The following CEP131 variants were observed in gnomAD, a reference collection of about 807,000 sequenced individuals.
CEP131 encodes the protein centrosomal protein 131.
Under a neutral mutation model 136.8 loss-of-function variants are expected in CEP131, and 99 were observed. That is an observed-to-expected ratio of 0.72 (90% CI 0.62 to 0.86). The LOEUF is 0.86. Ranked by LOEUF, CEP131 falls within the 40% of genes least tolerant of loss-of-function variation. CEP131 has a pLI of 0.00. For synonymous variants in CEP131, 646 were observed against 612.7 expected (o/e 1.05, Z -0.80); for missense variants, 1,459 against 1,463.0 (o/e 1.00, Z 0.04).
intron 5 of CEP131, among the ~76,000 whole-genome samples, chr17:81,204,460 T>C (rs79674270): frequency 2.0e-5 from 3 of 151,930 alleles, no homozygotes; most frequent in Non-Finnish European, 4.4e-5. Context: ...CCACAGACAC[T>C]GGTAGGTGGG....
intron 15 of CEP131, among the ~76,000 whole-genome samples, chr17:81,196,201 C>G (rs1005720980): frequency 2.0e-5 from 3 of 152,234 alleles, no homozygotes; most frequent in Non-Finnish European, 2.9e-5. Context: ...CCAGCCCACC[C>G]CCTGCAGTGA....
chr17:81,206,494 C>A (rs1322012788), intron 5 of CEP131, among the ~76,000 whole-genome samples: 1 of 152,206 alleles, frequency 6.6e-6, no homozygotes, highest in Admixed American at 6.5e-5. Flanking sequence ...CCTCTCAGCC[C>A]CATGTGAGCC....
At chr17:81,210,829 C>CAA (rs11379490) in intron 2 of CEP131, among the ~76,000 whole-genome samples, 7,046 of 136,062 alleles carry the variant, frequency 0.052, 353 homozygotes, top group African/African-American at 0.12. Flanking sequence ...AAAAAAAGAC[C>CAA]AAAAAAAAAA....
chr17:81,197,572 G>A lies in CEP131; in HGVS notation c.1647+140C>T, dbSNP rs138226206. On this transcript the variant is annotated intron_variant, in intron 13 of 25. Transcript: ENST00000450824. ...GAGGGACCACCTCCTGCTGGGGGCC[G>A]GGTGGGGGCTGGCGAGAGACCTCCT... The A allele has an allele frequency of 1.5e-3, 1,849 of 1,254,374 alleles. 22 individuals are homozygous for A. In the African/African-American group the frequency reaches 0.026, roughly 18 times the overall value. 77.7% of individuals were successfully genotyped at this position (1,254,374 alleles called of 1,614,324 possible).
chr17:81,191,454 C>T, intron 21 of CEP131, 119 bp from the exon 22 acceptor site: 1 of 929,110 alleles, frequency 1.1e-6, no homozygotes, highest in South Asian at 1.5e-5. Flanking sequence ...AAGGGGCCTT[C>T]CCCCTCTCCA....
rs1347730131 is a variant in CEP131, at chr17:81,190,755, G to C, written c.2991C>G (p.Ile997Met). The C allele has an allele frequency of 6.2e-7, 1 of 1,612,060 alleles. No homozygotes were observed. The highest frequency in any genetic ancestry group is 8.5e-7 in the Non-Finnish European group (1 of 1,179,632). The change falls in exon 24 of 26, where the codon ATC (isoleucine) becomes ATG (methionine). Residue 997 changes from isoleucine to methionine, a missense_variant. Coordinates refer to ENST00000450824, the MANE Select transcript of CEP131 (RefSeq NM_014984.4). Reference protein sequence around the residue: ...SSERSNLAQVIRQEFEDRLAA... With the variant: ...SSERSNLAQVMRQEFEDRLAA... ...CCAGCCGGTCCTCGAACTCCTGGCG[G>C]ATCACCTGGGCCAGGTTGCTGCGCT...
chr17:81,196,000 C>T, intron 15 of CEP131, 49 bp from the exon 16 acceptor site: 1 of 1,505,820 alleles, frequency 6.6e-7, no homozygotes, highest in East Asian at 2.3e-5. Context: ...CCCAGCCCAG[C>T]AGGACCCCTG....
rs200314840 is a variant in CEP131 at position 81,199,863 on chromosome 17, G to A, written c.907-28C>T. Reference sequence around the variant, plus strand: ...GCCAAAGAAGCCGGTGCCATGTGGCGTTTACATCTGGAAGACGGAATCCAG... The same window carrying A: ...GCCAAAGAAGCCGGTGCCATGTGGCATTTACATCTGGAAGACGGAATCCAG... On this transcript the variant is annotated intron_variant, in intron 8 of 25. Coordinates refer to ENST00000450824, the MANE Select transcript of CEP131 (RefSeq NM_014984.4). 2.1e-4 allele frequency: 331 copies of A among 1,602,682 alleles called. 3 individuals are homozygous for A. The Middle Eastern group carries it at 2.3e-3, about 11-fold the overall frequency.
chr17:81,198,434 GC>G, intron 11 of CEP131, 137 bp from the exon 12 acceptor site: 1 of 939,938 alleles, frequency 1.1e-6, no homozygotes, highest in Non-Finnish European at 1.6e-6. Context: ...GGAAGGTGAG[GC>G]CAGGGCTCAG....
At chr17:81,198,767 C>G in intron 11 of CEP131, 110 bp downstream of exon 11, 1 of 1,130,994 alleles carries the variant, frequency 8.8e-7, no homozygotes, top group Non-Finnish European at 1.3e-6. Context: ...CTTAAGTGGC[C>G]CCTAGAGCAG....
In CEP131 at chr17:81,192,487, G is replaced by A. The variant is rs766255125; in HGVS notation, c.2536C>T (p.Arg846Cys). ...EFEKGREEQE[R>C]RHQMELNTLK... ...CTCCGGTGGTAGACCTGGTGCCGGC[G>A]CTCCTGCTCCTCCCTGCCCTTCTCA... The change falls in exon 20 of 26, where the codon CGC becomes TGC. Residue 846 changes from arginine to cysteine, a missense_variant. Coordinates refer to ENST00000450824, the MANE Select transcript of CEP131 (RefSeq NM_014984.4). 25 of 1,611,606 alleles carry A rather than the reference G, an allele frequency of 1.6e-5. No individual in the cohort carries two copies. Among genetic ancestry groups the A allele is most frequent in the Middle Eastern group, 3.6e-4 (2 of 5,568 alleles).
chr17:81,195,621 C>T (rs1341204440), intron 16 of CEP131, among the ~76,000 whole-genome samples: 1 of 152,166 alleles, frequency 6.6e-6, no homozygotes, highest in African/African-American at 2.4e-5. Flanking sequence ...AGCAGGCCCA[C>T]GGCCCCGCCC....
intron 3 of CEP131, among the ~76,000 whole-genome samples, chr17:81,207,569 C>T (rs1265467018): frequency 1.3e-5 from 2 of 151,382 alleles, no homozygotes; most frequent in African/African-American, 2.4e-5. Context: ...AGGCTGGTCT[C>T]GAGCTCCTGG....
intron 7 of CEP131, 102 bp from the exon 8 acceptor site, chr17:81,200,548 G>T: frequency 1.2e-6 from 1 of 867,864 alleles, no homozygotes; most frequent in Non-Finnish European, 1.8e-6. Flanking sequence ...AGAAGCCGGC[G>T]GCTGCACTCA....
intron 16 of CEP131, 147 bp downstream of exon 16, chr17:81,195,688 C>G: frequency 2.8e-6 from 2 of 714,594 alleles, no homozygotes; most frequent in East Asian, 2.6e-5. Context: ...CGGTGCTCCC[C>G]CAGACAGCCC....
chr17:81,216,654 A>G lies in CEP131; in HGVS notation c.177+3226T>C, dbSNP rs563225886. On this transcript the variant is annotated intron_variant, in intron 2 of 25. Transcript: ENST00000450824. Reference sequence around the variant, plus strand: ...GAGTAAGTGTGGGTGCAGGAGAAACAGAACAGTGGCCGCCTAGGAGAGGCC... The same window carrying G: ...GAGTAAGTGTGGGTGCAGGAGAAACGGAACAGTGGCCGCCTAGGAGAGGCC... Among the ~76,000 whole-genome samples the G allele has an allele frequency of 4.7e-4, 71 of 152,380 alleles. 1 individual carries two copies. The highest frequency in any genetic ancestry group is 2.6e-4 in the Admixed American group (4 of 15,308).
In CEP131 at chr17:81,215,019, T is replaced by C. The variant is rs1480049553; in HGVS notation, c.177+4861A>G. On this transcript the variant is annotated intron_variant, in intron 2 of 25. Transcript: ENST00000450824. This position sits in a 1 kb window ranked among gnomAD's most constrained non-coding sequence, Gnocchi z 4.1. ...GTCTCAATCTCCTGGCCTCGTGATCTGCTTGCCTCAACCTCCCAAAGTGCT... is the reference window on the plus strand; with the variant it reads ...GTCTCAATCTCCTGGCCTCGTGATCCGCTTGCCTCAACCTCCCAAAGTGCT... Among the ~76,000 whole-genome samples, 1 of 152,050 alleles carries C rather than the reference T, an allele frequency of 6.6e-6. No homozygotes were observed. The highest frequency in any genetic ancestry group is 6.6e-5 in the Admixed American group (1 of 15,254).
chr17:81,197,560 C>T lies in CEP131; in HGVS notation c.1647+152G>A, dbSNP rs911708897. On this transcript the variant is annotated intron_variant, in intron 13 of 25. Coordinates refer to ENST00000450824, the MANE Select transcript of CEP131 (RefSeq NM_014984.4). ...TGGGTACATGGTGAGGGACCACCTCCTGCTGGGGGCCGGGTGGGGGCTGGC... is the reference window on the plus strand; with the variant it reads ...TGGGTACATGGTGAGGGACCACCTCTTGCTGGGGGCCGGGTGGGGGCTGGC... 7 of 1,210,512 alleles carry T rather than the reference C, an allele frequency of 5.8e-6. No homozygotes were observed. The African/African-American group carries it at 7.7e-5, about 13-fold the overall frequency. The allele number at this position is 1,210,512 out of a possible 1,614,324, so 75.0% of individuals were successfully genotyped here.
intron 13 of CEP131, chr17:81,197,498 A>AGGGGGAGGAGGTCTCC: frequency 1.4e-6 from 1 of 715,404 alleles, no homozygotes; most frequent in African/African-American, 1.9e-5. Context: ...TGCCACCTCC[A>AGGGGGAGGAGGTCTCC]CCCTGAGAGA....
Sources: allele counts gnomAD v4.1 joint callset (sites outside exome capture counted in the v4.1 genomes callset), GRCh38; gene constraint gnomAD v4.1.1; non-coding constraint Gnocchi (gnomAD v3.1); transcripts MANE v1.5; gene names NCBI Gene and HGNC (gene_info 2026-07-23, HGNC 2026-07-21).